FSTL5: variants seen among roughly 807,000 people sequenced by gnomAD.
The protein encoded by FSTL5 is follistatin like 5.
In FSTL5, 62 loss-of-function variants were observed where a neutral mutation model predicts 89.1. That is an observed-to-expected ratio of 0.70 (90% CI 0.57 to 0.86). The LOEUF (loss-of-function observed/expected upper bound fraction) is 0.86. Among genes scored for constraint, FSTL5 ranks in the 40% least tolerant of loss-of-function variants. FSTL5 has a pLI of 0.00. For missense variants in FSTL5, 1,057 were observed against 1,001.6 expected, an observed-to-expected ratio of 1.06 and a Z score of -0.75; for synonymous variants, 383 against 346.2, an observed-to-expected ratio of 1.11 and a Z score of -1.18.
intron 3 of FSTL5, among the ~76,000 whole-genome samples, chr4:161,961,408 G>A (rs958727512): frequency 7.9e-5 from 12 of 151,838 alleles, no homozygotes; most frequent in African/African-American, 1.7e-4. Context: ...CCCCATGCCC[G>A]GTTTATCTTA....
chr4:161,954,406 T>C (rs1046230396), intron 3 of FSTL5, among the ~76,000 whole-genome samples: 2 of 151,652 alleles, frequency 1.3e-5, no homozygotes, highest in Non-Finnish European at 3.0e-5. Context: ...AGTATTTTGC[T>C]ATATATAATT....
intron 12 of FSTL5, among the ~76,000 whole-genome samples, chr4:161,482,359 ATAATG>A (rs1384415592): frequency 6.6e-6 from 1 of 152,098 alleles, no homozygotes; most frequent in African/African-American, 2.4e-5. Context: ...TTACATAATA[ATAATG>A]TAATGATAAA....
At chr4:161,946,804 T>G (rs987805367) in intron 3 of FSTL5, among the ~76,000 whole-genome samples, 2 of 152,182 alleles carry the variant, frequency 1.3e-5, no homozygotes, top group Non-Finnish European at 2.9e-5. Flanking sequence ...AATTTTATAA[T>G]ACACTGTCAA....
At chr4:161,663,903 T>C (rs897207691) in intron 6 of FSTL5, among the ~76,000 whole-genome samples, 1 of 152,206 alleles carries the variant, frequency 6.6e-6, no homozygotes, top group African/African-American at 2.4e-5. Context: ...ATTCCTGACT[T>C]CTGTGCACCC....
chr4:161,771,594 TG>T (rs1741212776), intron 5 of FSTL5, among the ~76,000 whole-genome samples: 1 of 152,160 alleles, frequency 6.6e-6, no homozygotes, highest in Non-Finnish European at 1.5e-5. Flanking sequence ...ACTACTCCTT[TG>T]CTACTTGAAA....
At chr4:161,571,288 G>C (rs539871206) in intron 8 of FSTL5, among the ~76,000 whole-genome samples, 172 of 152,214 alleles carry the variant, frequency 1.1e-3, no homozygotes, top group Non-Finnish European at 1.4e-3. Flanking sequence ...TTGAACAGTG[G>C]ATGGTTTTGG....
At chr4:161,562,825 C>G (rs1732653535) in intron 8 of FSTL5, among the ~76,000 whole-genome samples, 1 of 151,978 alleles carries the variant, frequency 6.6e-6, no homozygotes, top group African/African-American at 2.4e-5. Flanking sequence ...TCCATAACTA[C>G]TACACAATAA....
intron 3 of FSTL5, among the ~76,000 whole-genome samples, chr4:162,000,429 A>G (rs1029840426): frequency 6.6e-6 from 1 of 151,710 alleles, no homozygotes; most frequent in African/African-American, 2.4e-5. Flanking sequence ...CATCTCTACT[A>G]AAAATACAAA....
At chr4:161,976,621 A>G (rs1735655562) in intron 3 of FSTL5, among the ~76,000 whole-genome samples, 1 of 152,006 alleles carries the variant, frequency 6.6e-6, no homozygotes, top group Admixed American at 6.6e-5. Context: ...AGCTGGGACT[A>G]CAGGCGCCCG....
At chr4:161,779,801 A>ATATATATG (rs1741581914) in intron 4 of FSTL5, among the ~76,000 whole-genome samples, 1 of 46,410 alleles carries the variant, frequency 2.2e-5, no homozygotes, top group Non-Finnish European at 3.5e-5. Context: ...ATATATATAT[A>ATATATATG]TATATATATG....
chr4:161,541,692 G>T (rs1731823482), intron 9 of FSTL5, among the ~76,000 whole-genome samples: 1 of 151,872 alleles, frequency 6.6e-6, no homozygotes, highest in South Asian at 2.1e-4. Context: ...AGAACTCTAT[G>T]TAATAAAGTG....
chr4:161,843,944 T>A (rs1289704478), intron 4 of FSTL5, among the ~76,000 whole-genome samples: 1 of 152,028 alleles, frequency 6.6e-6, no homozygotes, highest in Non-Finnish European at 1.5e-5. Flanking sequence ...AATTGACAAA[T>A]GGAATCTAAT....
chr4:161,965,156 T>C (rs913348856), intron 3 of FSTL5, among the ~76,000 whole-genome samples: 1 of 152,154 alleles, frequency 6.6e-6, no homozygotes, highest in African/African-American at 2.4e-5. Flanking sequence ...TATACCTTTA[T>C]ATCTCCAATG....
chr4:161,940,020 T>C lies in FSTL5; in HGVS notation c.161-19368A>G, dbSNP rs893244763. On this transcript the variant is annotated intron_variant, in intron 3 of 15. Transcript: ENST00000306100. ...CACTCCCCCTTTCCCAGCTCAGCAGTGGTGCTGAAGACATAAGCCCATGAT... is the reference window on the plus strand; with the variant it reads ...CACTCCCCCTTTCCCAGCTCAGCAGCGGTGCTGAAGACATAAGCCCATGAT... Among the ~76,000 whole-genome samples the C allele has an allele frequency of 8.6e-5, 13 of 151,888 alleles. 1 individual carries two copies. The highest frequency in any genetic ancestry group is 1.5e-4 in the Non-Finnish European group (10 of 67,864).
At chr4:161,536,448 A>G (rs1386540696) in intron 10 of FSTL5, among the ~76,000 whole-genome samples, 4 of 152,276 alleles carry the variant, frequency 2.6e-5, no homozygotes, top group Middle Eastern at 3.4e-3. Context: ...TTTGTTATAC[A>G]GAATTCTGGC....
chr4:161,821,316 G>A (rs903635259), intron 4 of FSTL5, among the ~76,000 whole-genome samples: 2 of 152,146 alleles, frequency 1.3e-5, no homozygotes, highest in Non-Finnish European at 2.9e-5. Flanking sequence ...ACGATGACCA[G>A]TGTGAACCAC....
intron 15 of FSTL5, among the ~76,000 whole-genome samples, chr4:161,432,180 C>T (rs1032536699): frequency 1.3e-5 from 2 of 151,982 alleles, no homozygotes; most frequent in African/African-American, 4.8e-5. Context: ...GCACATGGAT[C>T]ATTCTTAAGG....
At chr4:161,642,584 A>C (rs565235257) in intron 7 of FSTL5, among the ~76,000 whole-genome samples, 1 of 152,202 alleles carries the variant, frequency 6.6e-6, no homozygotes, top group Non-Finnish European at 1.5e-5. Context: ...ACGATATATA[A>C]GGAAGAAAAT....
intron 8 of FSTL5, among the ~76,000 whole-genome samples, chr4:161,567,980 C>A (rs1245007094): frequency 6.6e-6 from 1 of 151,914 alleles, no homozygotes; most frequent in Non-Finnish European, 1.5e-5. Flanking sequence ...CTCATCCTTT[C>A]TCATGTGTTG....
Sources: gnomAD v4.1 joint callset for allele counts (sites outside exome capture counted in the v4.1 genomes callset) on GRCh38, gnomAD v4.1.1 for gene constraint, MANE v1.5 for transcripts, NCBI Gene and HGNC (gene_info 2026-07-23, HGNC 2026-07-21) for gene names.